Variants in NLRP7 observed in about 807,000 individuals in gnomAD.
NLRP7 encodes the protein NACHT, LRR and PYD domains-containing protein 7.
NLRP7 carries 72 observed loss-of-function variants against 85.5 expected under a neutral mutation model. That is an observed-to-expected ratio of 0.84 (90% CI 0.70 to 1.02). The LOEUF (loss-of-function observed/expected upper bound fraction) is 1.02. Ranked by LOEUF, NLRP7 falls within the 50% of genes least tolerant of loss-of-function variation. NLRP7 has a pLI of 0.00. For missense variants in NLRP7, 1,243 were observed against 1,219.5 expected (o/e 1.02, Z -0.29); for synonymous variants, 550 against 505.2 (o/e 1.09, Z -1.19).
intron 9 of NLRP7, among the ~76,000 whole-genome samples, chr19:54,924,378 T>C (rs2068345476): frequency 6.6e-6 from 1 of 152,226 alleles, no homozygotes; most frequent in African/African-American, 2.4e-5. Flanking sequence ...GTCCCAGCAC[T>C]TTGGGAGGCC....
chr19:54,939,550 C>T (rs2069112445), exon 4 of NLRP7: 1 of 1,613,114 alleles, frequency 6.2e-7, no homozygotes, highest in Non-Finnish European at 8.5e-7. Flanking sequence ...TCTGCGCCCA[C>T]AGGCCCTGCG....
At chr19:54,945,404 G>T (rs1482541894) in intron 1 of NLRP7, among the ~76,000 whole-genome samples, 1 of 150,808 alleles carries the variant, frequency 6.6e-6, no homozygotes, top group Non-Finnish European at 1.5e-5. Context: ...CCAAGTAGCT[G>T]GGATTACAGG....
intron 1 of NLRP7, among the ~76,000 whole-genome samples, chr19:54,956,071 T>G (rs1027254171): frequency 6.9e-6 from 1 of 145,448 alleles, no homozygotes; most frequent in African/African-American, 2.6e-5. Context: ...GACTGGGAGG[T>G]CATGGCTACA....
chr19:54,962,164 A>C (rs75055487), intron 1 of NLRP7, among the ~76,000 whole-genome samples: 4 of 68,810 alleles, frequency 5.8e-5, no homozygotes, highest in South Asian at 4.0e-4. Context: ...ACTCCATCTC[A>C]AAAAAAAAAA....
At chr19:54,928,054 C>A (rs6509910) in intron 9 of NLRP7, among the ~76,000 whole-genome samples, 4,494 of 152,078 alleles carry the variant, frequency 0.03, 221 homozygotes, top group African/African-American at 0.1. Context: ...ATGGCAAAAC[C>A]CCATCTCTAC....
chr19:54,935,694 G>GAAA (rs34297504), intron 6 of NLRP7, among the ~76,000 whole-genome samples: 1 of 106,038 alleles, frequency 9.4e-6, no homozygotes, highest in Non-Finnish European at 2.2e-5. Flanking sequence ...CTGTCTCAAA[G>GAAA]AAAAAAAAAA....
chr19:54,953,673 G>A (rs1239965242), intron 1 of NLRP7, among the ~76,000 whole-genome samples: 1 of 151,768 alleles, frequency 6.6e-6, no homozygotes, highest in Non-Finnish European at 1.5e-5. Flanking sequence ...TTGGGCATAA[G>A]ACAATATGAG....
chr19:54,936,490 C>G (rs929641879), intron 5 of NLRP7, 59 bp from the exon 6 acceptor site: 1 of 1,377,060 alleles, frequency 7.3e-7, no homozygotes, highest in African/African-American at 1.4e-5. Flanking sequence ...TGTGTGGAGG[C>G]ATGTATAAAC....
intron 6 of NLRP7, 27 bp downstream of exon 6, chr19:54,936,234 G>A (rs184320945): frequency 2.5e-6 from 4 of 1,605,458 alleles, no homozygotes; most frequent in African/African-American, 1.3e-5. Flanking sequence ...TCCAGGTGCT[G>A]GGGAGAGCCG....
rs189934072 is a variant in NLRP7, at chr19:54,952,663, T to A, written c.-76-5158A>T. ...TTGGAGGTTTCCTCCCATCTCCTCA[T>A]TCCTCAGCCCTGTGATTAAACTTCC... On this transcript the variant is annotated intron_variant, in intron 1 of 2. Transcript: ENST00000587103. Among the ~76,000 whole-genome samples the A allele has an allele frequency of 2.8e-3, 425 of 151,838 alleles. 1 individual carries two copies. The highest frequency in any genetic ancestry group is 3.6e-3 in the Non-Finnish European group (244 of 67,978).
chr19:54,945,250 A>AAT (rs1556733908), intron 1 of NLRP7, among the ~76,000 whole-genome samples: 1 of 150,690 alleles, frequency 6.6e-6, no homozygotes, highest in African/African-American at 2.4e-5. Flanking sequence ...AAAAAAAAAA[A>AAT]AAAAAGAAAA....
intron 1 of NLRP7, among the ~76,000 whole-genome samples, chr19:54,954,117 G>A (rs2069769574): frequency 6.7e-6 from 1 of 149,412 alleles, no homozygotes; most frequent in Non-Finnish European, 1.5e-5. Context: ...ACTCCCAGCA[G>A]CCCCATGACA....
At chr19:54,938,373 A>G in intron 4 of NLRP7, 132 bp from the exon 5 acceptor site, 1 of 734,130 alleles carries the variant, frequency 1.4e-6, no homozygotes, top group South Asian at 1.5e-5. Context: ...ATAGTAAACA[A>G]TATTGCATCA....
intron 1 of NLRP7, among the ~76,000 whole-genome samples, chr19:54,958,013 C>T (rs1452202387): frequency 6.6e-6 from 1 of 151,732 alleles, no homozygotes; most frequent in Non-Finnish European, 1.5e-5. Flanking sequence ...GTCAGGAGTC[C>T]GAGACTAGCC....
At chr19:54,942,089 C>T (rs2069254261) in intron 1 of NLRP7, among the ~76,000 whole-genome samples, 2 of 151,806 alleles carry the variant, frequency 1.3e-5, no homozygotes, top group Non-Finnish European at 2.9e-5. Flanking sequence ...CCTGCCTCTA[C>T]TAAAAAAATA....
At chr19:54,962,786 A>G (rs2146290625) in intron 1 of NLRP7, among the ~76,000 whole-genome samples, 1 of 150,274 alleles carries the variant, frequency 6.7e-6, no homozygotes, top group South Asian at 2.1e-4. Context: ...TTTTTAGTAG[A>G]GACGGGGTTT....
At chr19:54,928,816 T>TC (rs895084788) in intron 9 of NLRP7, among the ~76,000 whole-genome samples, 15 of 151,510 alleles carry the variant, frequency 9.9e-5, no homozygotes, top group Non-Finnish European at 1.9e-4. Context: ...GTTTTGTTTT[T>TC]TTTAAGGCAG....
chr19:54,924,169 T>C (rs1297309627), intron 9 of NLRP7, among the ~76,000 whole-genome samples: 1 of 152,146 alleles, frequency 6.6e-6, no homozygotes, highest in Non-Finnish European at 1.5e-5. Context: ...GGTTTCGACA[T>C]GTTAGCCAGG....
In NLRP7 at chr19:54,960,714, G is replaced by T. The variant is rs1223612348; in HGVS notation, c.-77+5326C>A. On this transcript the variant is annotated intron_variant, in intron 1 of 2. Coordinates refer to the NLRP7 transcript ENST00000587103. ...GGATTCACGCCATTCTCCTGCCTCA[G>T]CCTCCCAAGTAGCTGGGACTACAGG... 2.0e-5 allele frequency among the ~76,000 whole-genome samples: 3 copies of T among 152,128 alleles called. No homozygotes were observed. In the East Asian group the frequency reaches 5.8e-4, roughly 29 times the overall value.
Sources: allele counts gnomAD v4.1 joint callset (sites outside exome capture counted in the v4.1 genomes callset), GRCh38; gene constraint gnomAD v4.1.1; transcripts MANE v1.5; gene names NCBI Gene and HGNC (gene_info 2026-07-23, HGNC 2026-07-21).